The following KIN variants were observed in gnomAD, a reference collection of about 807,000 sequenced individuals.
KIN encodes the protein Kin17 DNA and RNA binding protein.
A neutral mutation model predicts 63.0 loss-of-function variants in KIN; 47 were observed. The ratio of observed to expected loss-of-function variants is 0.75; its 90% CI spans 0.59 to 0.95. The LOEUF is 0.95. KIN is among the 40% of genes least tolerant of loss of function. KIN has a pLI of 0.00. For synonymous variants in KIN, 160 were observed against 157.7 expected, an observed-to-expected ratio of 1.01 and a Z score of -0.11; for missense variants, 408 against 460.9, an observed-to-expected ratio of 0.89 and a Z score of 1.05.
At chr10:7,787,029 G>A (rs1297923907) in intron 1 of KIN, among the ~76,000 whole-genome samples, 3 of 152,060 alleles carry the variant, frequency 2.0e-5, no homozygotes, top group African/African-American at 7.2e-5. Context: ...AGCCTGCACA[G>A]CATTCAATCA....
At chr10:7,784,945 G>C (rs567532925) in intron 1 of KIN, among the ~76,000 whole-genome samples, 1 of 152,146 alleles carries the variant, frequency 6.6e-6, no homozygotes, top group East Asian at 1.9e-4. Context: ...AGATATACAA[G>C]ATCACCTATA....
chr10:7,777,128 A>G (rs894624053), intron 5 of KIN, among the ~76,000 whole-genome samples: 6 of 151,910 alleles, frequency 3.9e-5, no homozygotes, highest in Non-Finnish European at 7.4e-5. Flanking sequence ...TATTCTAAAT[A>G]CCAAAAAGCA....
chr10:7,756,399 A>G (rs1835333971), intron 12 of KIN, among the ~76,000 whole-genome samples: 1 of 152,230 alleles, frequency 6.6e-6, no homozygotes, highest in South Asian at 2.1e-4. Flanking sequence ...GCTGTTCAGT[A>G]TCTCCTCTGC....
chr10:7,761,894 T>C (rs1023225708), intron 11 of KIN, among the ~76,000 whole-genome samples: 5 of 152,010 alleles, frequency 3.3e-5, no homozygotes, highest in Non-Finnish European at 7.4e-5. Flanking sequence ...CCCAGCTACT[T>C]GGGAGGCTAA....
intron 2 of KIN, among the ~76,000 whole-genome samples, chr10:7,780,993 C>T (rs1588486865): frequency 1.3e-5 from 2 of 152,306 alleles, no homozygotes; most frequent in Admixed American, 1.3e-4. Flanking sequence ...GAAATTGGCA[C>T]TTAATATGTC....
chr10:7,761,734 G>T (rs1031939787), intron 11 of KIN, among the ~76,000 whole-genome samples: 1 of 152,154 alleles, frequency 6.6e-6, no homozygotes, highest in African/African-American at 2.4e-5. Context: ...GAGTATGGTG[G>T]CTCAGGCCTG....
chr10:7,769,815 T>C lies in KIN; in HGVS notation c.669-470A>G, dbSNP rs552689572. ...CCAAATGCAAGAATTAAATGACATG[T>C]TTTCAAATGACCGGTTTAAGTCTAG... On this transcript the variant is annotated intron_variant, in intron 7 of 12. Coordinates refer to ENST00000379562, the MANE Select transcript of KIN (RefSeq NM_012311.4). Among the ~76,000 whole-genome samples, 215 of 152,304 alleles carry C rather than the reference T, an allele frequency of 1.4e-3. 1 individual carries two copies. Among genetic ancestry groups the C allele is most frequent in the African/African-American group, 5.0e-3 (207 of 41,564 alleles).
chr10:7,785,253 A>C (rs75323427), intron 1 of KIN, among the ~76,000 whole-genome samples: 1 of 147,156 alleles, frequency 6.8e-6, no homozygotes, highest in Non-Finnish European at 1.5e-5. Flanking sequence ...CCTTGTCTCA[A>C]AAAAAAAAAA....
intron 7 of KIN, among the ~76,000 whole-genome samples, chr10:7,774,316 C>T (rs187588076): frequency 2.0e-5 from 3 of 152,210 alleles, no homozygotes; most frequent in African/African-American, 7.2e-5. Flanking sequence ...ACTCACAATG[C>T]AGCAAGTAAA....
At chr10:7,775,608 C>A (rs1835753934) in intron 6 of KIN, 143 bp downstream of exon 6, 2 of 467,232 alleles carry the variant, frequency 4.3e-6, no homozygotes, top group Non-Finnish European at 3.8e-6. Context: ...ATTAGTATTA[C>A]CTTTTCATTA....
chr10:7,772,893 A>T (rs751213099), intron 7 of KIN, among the ~76,000 whole-genome samples: 1 of 152,264 alleles, frequency 6.6e-6, no homozygotes, highest in African/African-American at 2.4e-5. Flanking sequence ...ATGTTACATT[A>T]TCTAAGAAAA....
intron 12 of KIN, among the ~76,000 whole-genome samples, chr10:7,759,040 G>A (rs767674411): frequency 6.6e-6 from 1 of 152,026 alleles, no homozygotes; most frequent in African/African-American, 2.4e-5. Flanking sequence ...TTCTCTAACA[G>A]GTCCATGGGC....
intron 7 of KIN, among the ~76,000 whole-genome samples, chr10:7,774,174 GAA>G (rs1835721408): frequency 6.6e-6 from 1 of 152,210 alleles, no homozygotes; most frequent in Non-Finnish European, 1.5e-5. Context: ...GCTCTTTACA[GAA>G]AAAGTTTGCT....
At chr10:7,777,387 G>C (rs1463500855) in intron 5 of KIN, among the ~76,000 whole-genome samples, 1 of 152,010 alleles carries the variant, frequency 6.6e-6, no homozygotes, top group Non-Finnish European at 1.5e-5. Flanking sequence ...TACTAGAAAA[G>C]TTCTATATCT....
chr10:7,775,203 G>A (rs1473891483), intron 6 of KIN, among the ~76,000 whole-genome samples: 1 of 152,142 alleles, frequency 6.6e-6, no homozygotes, highest in Non-Finnish European at 1.5e-5. Context: ...TGTGGCTCAG[G>A]GGACATAACA....
chr10:7,765,043 C>T (rs912718791), intron 9 of KIN, among the ~76,000 whole-genome samples: 5 of 151,672 alleles, frequency 3.3e-5, no homozygotes, highest in Admixed American at 2.6e-4. Context: ...CCTGTAATCT[C>T]AGCTACTAGG....
At chr10:7,780,213 A>G (rs1588486221) in intron 3 of KIN, 35 bp from the exon 4 acceptor site, 3 of 1,611,166 alleles carry the variant, frequency 1.9e-6, no homozygotes, top group South Asian at 1.1e-5. Flanking sequence ...GATCATCAGA[A>G]GATTATGCCA....
In KIN at chr10:7,772,048, T is replaced by C. The variant is rs141773693; in HGVS notation, c.669-2703A>G. On this transcript the variant is annotated intron_variant, in intron 7 of 12. Coordinates refer to ENST00000379562, the MANE Select transcript of KIN (RefSeq NM_012311.4). ...GCATTCCAGGAAGGGGAGCAGCAGATGTAAAGGCAAGAAAGGGCGAGACCC... is the reference window on the plus strand; with the variant it reads ...GCATTCCAGGAAGGGGAGCAGCAGACGTAAAGGCAAGAAAGGGCGAGACCC... Among the ~76,000 whole-genome samples, 340 of 152,018 alleles carry C rather than the reference T, an allele frequency of 2.2e-3. 2 individuals are homozygous for C. Among genetic ancestry groups the C allele is most frequent in the African/African-American group, 7.6e-3 (314 of 41,442 alleles).
Position 7,762,472 on chromosome 10 carries a change from C to T in KIN, c.1003G>A (p.Val335Ile). 1.2e-6 allele frequency: 2 copies of T among 1,603,648 alleles called. No individual in the cohort carries two copies. Among genetic ancestry groups the T allele is most frequent in the Non-Finnish European group, 1.7e-6 (2 of 1,171,948 alleles). Residue 335 changes from valine (V) to isoleucine (I), a missense_variant, in exon 11 of 13, where the codon GTA becomes ATA. Coordinates refer to ENST00000379562, the MANE Select transcript of KIN (RefSeq NM_012311.4). Reference protein sequence around the residue: ...LKLDQTHLETVIPAPGKRILV... With the variant: ...LKLDQTHLETIIPAPGKRILV... ...ACAGATTTACCTGGTGCTGGAATTA[C>T]TGTCTCTAAATGAGTCTGGTCAAGT...
Sources: allele counts gnomAD v4.1 joint callset (sites outside exome capture counted in the v4.1 genomes callset), GRCh38; gene constraint gnomAD v4.1.1; transcripts MANE v1.5; gene names NCBI Gene and HGNC (gene_info 2026-07-23, HGNC 2026-07-21).